Variants in SFSWAP observed in about 807,000 individuals in gnomAD.
SFSWAP encodes the protein splicing factor SWAP, also known as splicing factor, suppressor of white-apricot homolog.
Under a neutral mutation model 100.7 loss-of-function variants are expected in SFSWAP, and 17 were observed. The ratio of observed to expected loss-of-function variants is 0.17; its 90% CI spans 0.12 to 0.25. The LOEUF is 0.25. Ranked by LOEUF, SFSWAP falls within the 10% of genes least tolerant of loss-of-function variation. SFSWAP has a pLI of 1.00. For missense variants in SFSWAP, 1,005 were observed against 1,262.6 expected (o/e 0.80, Z 3.09); for synonymous variants, 504 against 510.1 (o/e 0.99, Z 0.16).
Position 131,711,334 on chromosome 12 carries a change from C to T in SFSWAP, c.105C>T (p.Leu35=). The change falls in exon 1 of 18, where the codon CTC becomes CTT. Residue 35 remains leucine (L), a synonymous_variant. Transcript: ENST00000261674. The surrounding 1 kb of genome is among the most constrained non-coding windows in gnomAD (Gnocchi z 4.9). ...GAGGGGSRVE[L]LVFGYACKLF... ...GCGGTGGGGGCAGCCGAGTGGAGCT[C>T]TTGGTTTTCGGCTATGCCTGCAAGC... The T allele has an allele frequency of 2.5e-6, 4 of 1,613,998 alleles. No homozygotes were observed. Among genetic ancestry groups the T allele is most frequent in the Non-Finnish European group, 3.4e-6 (4 of 1,180,016 alleles).
intron 7 of SFSWAP, among the ~76,000 whole-genome samples, chr12:131,732,709 T>C (rs1879626656): frequency 1.3e-5 from 2 of 152,262 alleles, no homozygotes; most frequent in South Asian, 4.1e-4. Flanking sequence ...TGATTTTCCA[T>C]GCTCTGGGCA....
At position 131,764,546 on chromosome 12, in the gene SFSWAP, G is replaced by A; in HGVS notation, c.1811G>A (p.Ser604Asn). The change falls in exon 12 of 18, where the codon AGT (serine) becomes AAT (asparagine). Residue 604 changes from serine to asparagine, a missense_variant. By Grantham distance (46) the Ser-to-Asn change is conservative. This residue lies in a region of SFSWAP where 82 missense variants were observed against 131.0 expected (regional missense o/e 0.63). Coordinates refer to ENST00000261674, the MANE Select transcript of SFSWAP (RefSeq NM_004592.4). ...EKNRVKLDDD[S>N]DDDEESKEGQ... ...AATCGTGTTAAGCTAGATGATGACA[G>A]TGATGATGATGAAGAAAGCAAAGAA... The A allele has an allele frequency of 6.2e-7, 1 of 1,614,164 alleles. No homozygotes were observed. The highest frequency in any genetic ancestry group is 8.5e-7 in the Non-Finnish European group (1 of 1,179,990).
chr12:131,723,324 C>T (rs1406666003), intron 4 of SFSWAP: 1 of 152,120 alleles, frequency 6.6e-6, no homozygotes, highest in Non-Finnish European at 1.5e-5. Flanking sequence ...TTTCTCCCCG[C>T]ACTTTGTTTT....
intron 4 of SFSWAP, among the ~76,000 whole-genome samples, chr12:131,720,541 T>A (rs1166513581): frequency 6.6e-6 from 1 of 152,226 alleles, no homozygotes; most frequent in Non-Finnish European, 1.5e-5. Context: ...GGATTGCAAG[T>A]GGCATCGATG....
rs1885523869 is a variant in SFSWAP, at chr12:131,794,995, G to T, written c.2535-2183G>T. Among the ~76,000 whole-genome samples the T allele has an allele frequency of 1.3e-5, 2 of 152,196 alleles. No homozygotes were observed. Among genetic ancestry groups the T allele is most frequent in the African/African-American group, 4.8e-5 (2 of 41,438 alleles). On this transcript the variant is annotated intron_variant, in intron 15 of 17. Coordinates refer to ENST00000261674, the MANE Select transcript of SFSWAP (RefSeq NM_004592.4). The surrounding 1 kb of genome is among the most constrained non-coding windows in gnomAD (Gnocchi z 4.8). ...CATTTTGGACACATGTCACATGCTGGTATATGTTTTATTTATTTGCCGCTT... is the reference window on the plus strand; with the variant it reads ...CATTTTGGACACATGTCACATGCTGTTATATGTTTTATTTATTTGCCGCTT...
At chr12:131,712,109 C>T (rs1242309763) in intron 1 of SFSWAP, 1 of 152,718 alleles carries the variant, frequency 6.5e-6, no homozygotes, top group Non-Finnish European at 1.5e-5. Context: ...TCGTGCGGAC[C>T]CTGGCCTTGC....
chr12:131,786,854 G>T (rs1884933050), intron 15 of SFSWAP, among the ~76,000 whole-genome samples: 1 of 152,200 alleles, frequency 6.6e-6, no homozygotes, highest in Non-Finnish European at 1.5e-5. Flanking sequence ...CACTGTGCTG[G>T]TACCTCGGCT....
At chr12:131,796,953 A>T in intron 15 of SFSWAP, 1 of 477,720 alleles carries the variant, frequency 2.1e-6, no homozygotes, top group Non-Finnish European at 3.7e-6. Flanking sequence ...TGCATCTTAA[A>T]TACCACAAAT....
intron 16 of SFSWAP, among the ~76,000 whole-genome samples, chr12:131,798,759 A>G (rs1202681486): frequency 6.6e-6 from 1 of 152,116 alleles, no homozygotes; most frequent in Non-Finnish European, 1.5e-5. Flanking sequence ...GCATGGTGGC[A>G]CACGCCTGCA....
At chr12:131,750,895 AT>A (rs774334731) in intron 7 of SFSWAP, among the ~76,000 whole-genome samples, 26,918 of 151,964 alleles carry the variant, frequency 0.18, 2,983 homozygotes, top group Non-Finnish European at 0.25. Context: ...GTCTGATGGT[AT>A]TGCCCAGGCC....
At chr12:131,770,033 A>G (rs1883457092) in intron 13 of SFSWAP, among the ~76,000 whole-genome samples, 1 of 152,282 alleles carries the variant, frequency 6.6e-6, no homozygotes, top group Non-Finnish European at 1.5e-5. Flanking sequence ...TAATGGTTGT[A>G]GCAGATGATG....
At position 131,756,655 on chromosome 12, in the gene SFSWAP, A is replaced by G. The variant is rs1409950248; in HGVS notation, c.1720+11A>G. The G allele has an allele frequency of 1.9e-6, 3 of 1,572,248 alleles. No homozygotes were observed. The highest frequency in any genetic ancestry group is 3.7e-5 in the Admixed American group (2 of 54,068). ...GGAAGCTGGTGAAAGGTATGCTGCC[A>G]CTTGCATGTTGGCCTTGCACATTCC... On this transcript the variant is annotated intron_variant, in intron 11 of 17. Coordinates refer to ENST00000261674, the MANE Select transcript of SFSWAP (RefSeq NM_004592.4).
In SFSWAP at chr12:131,758,712, C is replaced by T. The variant is rs564748895; in HGVS notation, c.1720+2068C>T. Among the ~76,000 whole-genome samples the T allele has an allele frequency of 1.8e-3, 280 of 152,278 alleles. 3 individuals are homozygous for T. Among genetic ancestry groups the T allele is most frequent in the African/African-American group, 6.3e-3 (261 of 41,548 alleles). ...CCATAATGCCAGCACATAGGGAGGC[C>T]AGGGCAGGCAGATCACTTGAGTCCA... On this transcript the variant is annotated intron_variant, in intron 11 of 17. Coordinates refer to ENST00000261674, the MANE Select transcript of SFSWAP (RefSeq NM_004592.4).
intron 11 of SFSWAP, among the ~76,000 whole-genome samples, chr12:131,761,058 C>G (rs1232705525): frequency 6.6e-6 from 1 of 152,090 alleles, no homozygotes; most frequent in African/African-American, 2.4e-5. Context: ...GGCGAAAGAG[C>G]GAAACTCCGT....
At position 131,778,603 on chromosome 12, in the gene SFSWAP, C is replaced by T. The variant is rs544876352; in HGVS notation, c.2408+273C>T. On this transcript the variant is annotated intron_variant, in intron 14 of 17. Coordinates refer to ENST00000261674, the MANE Select transcript of SFSWAP (RefSeq NM_004592.4). The surrounding 1 kb of genome is among the most constrained non-coding windows in gnomAD (Gnocchi z 4.2). ...TGCGATCTTGGCTCACTGCAACCTC[C>T]GCTTCCCAGGTTCAAGTGATTCTCC... Among the ~76,000 whole-genome samples, 169 of 152,206 alleles carry T rather than the reference C, an allele frequency of 1.1e-3. No homozygotes were observed. The highest frequency in any genetic ancestry group is 6.8e-3 in the South Asian group (33 of 4,820).
chr12:131,748,341 G>A (rs1881326223), intron 7 of SFSWAP, among the ~76,000 whole-genome samples: 1 of 150,834 alleles, frequency 6.6e-6, no homozygotes, highest in Non-Finnish European at 1.5e-5. Context: ...GTATTTTTTA[G>A]TAGAGACGGA....
chr12:131,721,103 A>G (rs1191998195), intron 4 of SFSWAP, among the ~76,000 whole-genome samples: 1 of 152,120 alleles, frequency 6.6e-6, no homozygotes, highest in East Asian at 1.9e-4. Context: ...CACACTTTCA[A>G]ATGACCAGAT....
At chr12:131,732,198 C>T (rs1420781450) in intron 7 of SFSWAP, among the ~76,000 whole-genome samples, 6 of 152,096 alleles carry the variant, frequency 3.9e-5, no homozygotes, top group African/African-American at 7.2e-5. Context: ...GCTGAGCCAC[C>T]GCACCCAGCC....
At chr12:131,740,915 A>G (rs909413329) in intron 7 of SFSWAP, among the ~76,000 whole-genome samples, 4 of 149,234 alleles carry the variant, frequency 2.7e-5, no homozygotes, top group African/African-American at 9.9e-5. Context: ...GCTTCACTAA[A>G]GCTTAATTGA....
Sources: gnomAD v4.1 joint callset for allele counts (sites outside exome capture counted in the v4.1 genomes callset) on GRCh38, gnomAD v4.1.1 for gene constraint, gnomAD v4.1.1 regional missense constraint, Gnocchi (gnomAD v3.1) non-coding constraint, MANE v1.5 for transcripts, NCBI Gene and HGNC (gene_info 2026-07-23, HGNC 2026-07-21) for gene names.